Variants in CEMIP observed in about 807,000 individuals in gnomAD.
CEMIP encodes cell migration-inducing and hyaluronan-binding protein.
CEMIP carries 105 observed loss-of-function variants against 156.9 expected under a neutral mutation model. That is an observed-to-expected ratio of 0.67 (90% CI 0.57 to 0.79). The LOEUF is 0.79. CEMIP is among the 30% of genes least tolerant of loss of function. The probability of loss-of-function intolerance (pLI) is 0.00; values close to 1 mark genes in which losing one functional copy is unlikely to be tolerated. For synonymous variants in CEMIP, 676 were observed against 668.4 expected, an observed-to-expected ratio of 1.01 and a Z score of -0.17; for missense variants, 1,457 against 1,769.4, an observed-to-expected ratio of 0.82 and a Z score of 3.17.
At chr15:80,809,403 A>C (rs1374527084) in intron 1 of CEMIP, among the ~76,000 whole-genome samples, 2 of 152,260 alleles carry the variant, frequency 1.3e-5, no homozygotes, top group African/African-American at 4.8e-5. Flanking sequence ...TCTGAGACGG[A>C]GTGCTGCTAT....
In CEMIP at chr15:80,817,041, A is replaced by G. The variant is rs549667574; in HGVS notation, c.-176+37427A>G. ...CCAGAAAAGAATGGAGTTGGCTGAC[A>G]GTAAACAGTTTATAACAAGGCTATT... is the stretch of plus-strand genomic sequence containing the variant. On this transcript the variant is annotated intron_variant, in intron 1 of 29. Coordinates refer to ENST00000394685, the MANE Select transcript of CEMIP (RefSeq NM_001293298.2). Among the ~76,000 whole-genome samples the G allele has an allele frequency of 2.6e-5, 4 of 152,356 alleles. No homozygotes were observed. In the South Asian group the frequency reaches 8.3e-4, roughly 32 times the overall value.
intron 1 of CEMIP, among the ~76,000 whole-genome samples, chr15:80,847,465 G>T (rs1258426869): frequency 6.6e-6 from 1 of 152,216 alleles, no homozygotes; most frequent in East Asian, 1.9e-4. Flanking sequence ...TTGGGGTGCA[G>T]TCTGGGCTCA....
chr15:80,868,057 T>C (rs1898179649), intron 1 of CEMIP, among the ~76,000 whole-genome samples: 1 of 152,148 alleles, frequency 6.6e-6, no homozygotes, highest in African/African-American at 2.4e-5. Context: ...AGATAGACTT[T>C]TGGGTCCTTA....
intron 23 of CEMIP, among the ~76,000 whole-genome samples, chr15:80,936,323 C>T (rs1427283518): frequency 6.6e-6 from 1 of 152,230 alleles, no homozygotes; most frequent in Non-Finnish European, 1.5e-5. Flanking sequence ...TTCTCTCTCT[C>T]TCTCTCTTAC....
rs1198222554 is a variant in CEMIP at position 80,818,255 on chromosome 15, C to T, written c.-176+38641C>T. On this transcript the variant is annotated intron_variant, in intron 1 of 29. Coordinates refer to ENST00000394685, the MANE Select transcript of CEMIP (RefSeq NM_001293298.2). ...GCTGCACCTCCATATATGCTTCTAC[C>T]ATCACCAGGGCAGAGGAGAGGGAGC... Among the ~76,000 whole-genome samples the T allele has an allele frequency of 3.3e-5, 5 of 152,308 alleles. No homozygotes were observed. The East Asian group carries it at 7.7e-4, about 24-fold the overall frequency.
At chr15:80,900,544 A>T (rs753740839) in intron 12 of CEMIP, among the ~76,000 whole-genome samples, 6 of 148,330 alleles carry the variant, frequency 4.0e-5, no homozygotes, top group Non-Finnish European at 8.9e-5. Context: ...CCATGAAAAC[A>T]GCAGCCCCTG....
chr15:80,928,583 C>T (rs1900783832), intron 19 of CEMIP, among the ~76,000 whole-genome samples: 1 of 152,188 alleles, frequency 6.6e-6, no homozygotes, highest in African/African-American at 2.4e-5. Flanking sequence ...ACACTAAGCC[C>T]TGGAATCACA....
At chr15:80,887,908 C>A (rs1898904418) in intron 8 of CEMIP, 144 bp downstream of exon 8, 2 of 729,552 alleles carry the variant, frequency 2.7e-6, no homozygotes, top group Non-Finnish European at 2.4e-6. Context: ...GCTTAACTGG[C>A]CACCTTACAT....
rs1314841810 is a variant in CEMIP, at chr15:80,894,981, C to T, written c.1087-9C>T. On this transcript the variant is annotated splice_polypyrimidine_tract_variant and intron_variant, in intron 10 of 29. Transcript: ENST00000394685. Reference sequence around the variant, plus strand: ...CGACTTTGCTCTGTAATTTCTGTGTCATTCCCAGGCCACTACAATGGATGG... The same window carrying T: ...CGACTTTGCTCTGTAATTTCTGTGTTATTCCCAGGCCACTACAATGGATGG... The T allele has an allele frequency of 6.2e-7, 1 of 1,613,734 alleles. No individual in the cohort carries two copies. Among genetic ancestry groups the T allele is most frequent in the Non-Finnish European group, 8.5e-7 (1 of 1,179,888 alleles).
Position 80,924,634 on chromosome 15 carries a change from T to C in CEMIP, c.2216T>C (p.Ile739Thr), listed in dbSNP as rs1379848698. ...AHSNYRAGMI[I>T]DNGVKTTEAS... is the part of the protein sequence containing the mutation. ...TCTTCCCTGCAGGCTGGCATGATCA[T>C]AGACAACGGAGTCAAAACCACCGAG... The change falls in exon 18 of 30, where the codon ATA (isoleucine) becomes ACA (threonine). Residue 739 changes from isoleucine (I) to threonine (T), a missense_variant. Ile to Thr is a moderately conservative substitution (Grantham distance 89). Around this residue, in one of 5 missense-constraint regions of CEMIP, gnomAD observed 798 missense variants for 980.1 expected, o/e 0.81. Coordinates refer to ENST00000394685, the MANE Select transcript of CEMIP (RefSeq NM_001293298.2). 5 of 1,614,080 alleles carry C rather than the reference T, an allele frequency of 3.1e-6. No individual in the cohort carries two copies. Among genetic ancestry groups the C allele is most frequent in the South Asian group, 1.1e-5 (1 of 91,082 alleles).
intron 29 of CEMIP, chr15:80,948,564 T>C: frequency 1.7e-6 from 1 of 584,690 alleles, no homozygotes; most frequent in South Asian, 1.8e-5. Flanking sequence ...AACAAAGCCA[T>C]CACCCTGCCT....
At chr15:80,810,105 T>TG (rs147107223) in intron 1 of CEMIP, among the ~76,000 whole-genome samples, 4,967 of 152,164 alleles carry the variant, frequency 0.033, 256 homozygotes, top group African/African-American at 0.11. Context: ...GGAATCTTGG[T>TG]GGGGGGATCT....
intron 7 of CEMIP, among the ~76,000 whole-genome samples, chr15:80,884,706 G>A (rs994918249): frequency 1.3e-5 from 2 of 152,212 alleles, no homozygotes; most frequent in African/African-American, 2.4e-5. Flanking sequence ...CTTTGGTAAA[G>A]AGGTCATGTC....
intron 1 of CEMIP, among the ~76,000 whole-genome samples, chr15:80,840,281 G>A (rs981356557): frequency 2.6e-5 from 4 of 152,218 alleles, no homozygotes; most frequent in African/African-American, 4.8e-5. Context: ...CCATCCACTC[G>A]CGTTCCACTC....
chr15:80,851,269 C>T (rs1268596030), intron 1 of CEMIP, among the ~76,000 whole-genome samples: 3 of 152,176 alleles, frequency 2.0e-5, no homozygotes, highest in East Asian at 3.9e-4. Context: ...GAGACAGGGA[C>T]GTGGCCAGTG....
intron 12 of CEMIP, among the ~76,000 whole-genome samples, chr15:80,904,963 A>G (rs1173392712): frequency 6.6e-6 from 1 of 152,204 alleles, no homozygotes; most frequent in Non-Finnish European, 1.5e-5. Context: ...CTTGAATAAG[A>G]TACTTCAAAA....
intron 1 of CEMIP, among the ~76,000 whole-genome samples, chr15:80,872,861 A>T (rs1401261477): frequency 6.6e-6 from 1 of 152,226 alleles, no homozygotes; most frequent in Non-Finnish European, 1.5e-5. Flanking sequence ...ATTCTGTCTC[A>T]ATAAAATGAG....
intron 19 of CEMIP, among the ~76,000 whole-genome samples, chr15:80,927,274 G>C (rs1900732204): frequency 6.6e-6 from 1 of 152,234 alleles, no homozygotes; most frequent in Non-Finnish European, 1.5e-5. Flanking sequence ...AGGCAGAAGT[G>C]ATAGGCATGA....
intron 14 of CEMIP, among the ~76,000 whole-genome samples, chr15:80,911,554 CA>C (rs1415872189): frequency 4.0e-5 from 6 of 149,300 alleles, no homozygotes; most frequent in African/African-American, 1.0e-4. Context: ...CACACACACA[CA>C]CCCTGGAGTG....
Sources: gnomAD v4.1 joint callset for allele counts (sites outside exome capture counted in the v4.1 genomes callset) on GRCh38, gnomAD v4.1.1 for gene constraint, gnomAD v4.1.1 regional missense constraint, MANE v1.5 for transcripts, NCBI Gene and HGNC (gene_info 2026-07-23, HGNC 2026-07-21) for gene names.